Variants in OSBPL8 observed in about 807,000 individuals in gnomAD.
The protein encoded by OSBPL8 is oxysterol-binding protein-related protein 8.
OSBPL8 carries 59 observed loss-of-function variants against 125.5 expected under a neutral mutation model. The ratio of observed to expected loss-of-function variants is 0.47; its 90% CI spans 0.38 to 0.58. The LOEUF is 0.58. Among genes scored for constraint, OSBPL8 ranks in the 20% least tolerant of loss-of-function variants. OSBPL8 has a pLI of 0.00. For synonymous variants in OSBPL8, 330 were observed against 338.9 expected, an observed-to-expected ratio of 0.97 and a Z score of 0.29; for missense variants, 758 against 1,047.8, an observed-to-expected ratio of 0.72 and a Z score of 3.82.
chr12:76,409,728 A>G (rs1184666440), intron 5 of OSBPL8, among the ~76,000 whole-genome samples: 1 of 152,220 alleles, frequency 6.6e-6, no homozygotes, highest in Non-Finnish European at 1.5e-5. Context: ...AAGTGGGAAT[A>G]ATATTTATGT....
At chr12:76,525,430 T>C (rs1415247594) in intron 1 of OSBPL8, among the ~76,000 whole-genome samples, 1 of 152,198 alleles carries the variant, frequency 6.6e-6, no homozygotes, top group Non-Finnish European at 1.5e-5. Flanking sequence ...CAAAGAATGT[T>C]CAAAACTAAA....
chr12:76,449,235 G>C (rs934343205), intron 4 of OSBPL8, among the ~76,000 whole-genome samples: 3 of 152,110 alleles, frequency 2.0e-5, no homozygotes, highest in Admixed American at 2.0e-4. Flanking sequence ...TCATTTCTCA[G>C]TTTTAAAAGC....
Position 76,507,376 on chromosome 12 carries a change from T to C in OSBPL8, c.-67-19758A>G, listed in dbSNP as rs914917230. Among the ~76,000 whole-genome samples, 2 of 151,824 alleles carry C rather than the reference T, an allele frequency of 1.3e-5. 1 individual carries two copies. The highest frequency in any genetic ancestry group is 4.9e-5 in the African/African-American group (2 of 41,062). ...TAATAACCTTAAAATAATGATTGAA[T>C]ATTGAACATTCAATTATTCAGTAAT... On this transcript the variant is annotated intron_variant, in intron 1 of 23. Transcript: ENST00000261183.
At chr12:76,499,675 ACCT>A (rs1879694285) in intron 1 of OSBPL8, among the ~76,000 whole-genome samples, 1 of 151,992 alleles carries the variant, frequency 6.6e-6, no homozygotes, top group Non-Finnish European at 1.5e-5. Context: ...AAATGTTGAA[ACCT>A]CGTCTCTACT....
rs773847407 is a variant in OSBPL8, at chr12:76,389,693, A to C, written c.1304T>G (p.Phe435Cys). 6.2e-7 allele frequency: 1 copy of C among 1,603,444 alleles called. No individual in the cohort carries two copies. Reference sequence around the variant, plus strand: ...GTAGTAATCTGAAAGTTTATCCAGGAAAGAACGGGGTTCCAAAATAAATGT... The same window carrying C: ...GTAGTAATCTGAAAGTTTATCCAGGCAAGAACGGGGTTCCAAAATAAATGT... ...LPTFILEPRSFLDKLSDYYYH... is the reference protein window; with the variant it reads ...LPTFILEPRSCLDKLSDYYYH... The change falls in exon 12 of 24, where the codon TTC becomes TGC. Residue 435 changes from phenylalanine to cysteine, a missense_variant. By Grantham distance (205) the Phe-to-Cys change is radical (BLOSUM62 -2). Transcript: ENST00000261183.
chr12:76,531,832 T>C (rs2137344912), intron 1 of OSBPL8, among the ~76,000 whole-genome samples: 1 of 152,036 alleles, frequency 6.6e-6, no homozygotes, highest in African/African-American at 2.4e-5. Context: ...GGTCAGGAGA[T>C]CGAGACCATC....
chr12:76,537,023 T>C (rs1401754407), intron 1 of OSBPL8: 1 of 152,242 alleles, frequency 6.6e-6, no homozygotes, highest in African/African-American at 2.4e-5. Flanking sequence ...CTTCAGTCTC[T>C]TGGAGGTTAG....
At chr12:76,486,969 A>C (rs1808937701) in intron 2 of OSBPL8, among the ~76,000 whole-genome samples, 1 of 151,994 alleles carries the variant, frequency 6.6e-6, no homozygotes, top group Non-Finnish European at 1.5e-5. Flanking sequence ...ATGGAGCAGA[A>C]ATATCAGAAA....
Position 76,520,236 on chromosome 12 carries a change from AAAAG to A in OSBPL8, c.-67-32622_-67-32619del, listed in dbSNP as rs543323227. Among the ~76,000 whole-genome samples the A allele has an allele frequency of 2.1e-3, 315 of 152,338 alleles. 3 individuals carry two copies. Among genetic ancestry groups the A allele is most frequent in the African/African-American group, 6.9e-3 (288 of 41,584 alleles). On this transcript the variant is annotated intron_variant, in intron 1 of 23. Coordinates refer to ENST00000261183, the MANE Select transcript of OSBPL8 (RefSeq NM_020841.5). The stretch of plus-strand genomic sequence containing the variant: ...TCACGCTAGTTCCTTTAAAAAACAA[AAAAG>A]AAAGAAAGAAACAAGAGAATATGGA...
At chr12:76,439,048 T>C (rs1191270264) in intron 4 of OSBPL8, among the ~76,000 whole-genome samples, 2 of 152,132 alleles carry the variant, frequency 1.3e-5, no homozygotes, top group African/African-American at 2.4e-5. Flanking sequence ...GCTCATAAAA[T>C]ACAGGGGGAG....
At chr12:76,438,742 TC>T (rs1005891574) in intron 4 of OSBPL8, among the ~76,000 whole-genome samples, 3 of 152,220 alleles carry the variant, frequency 2.0e-5, no homozygotes, top group Admixed American at 6.5e-5. Flanking sequence ...ATAACAGTTT[TC>T]CTTCTTTGTT....
intron 1 of OSBPL8, among the ~76,000 whole-genome samples, chr12:76,492,983 G>A (rs1333141546): frequency 6.6e-6 from 1 of 151,612 alleles, no homozygotes; most frequent in East Asian, 1.9e-4. Flanking sequence ...TGCACATTCT[G>A]GGTCAAAATT....
chr12:76,403,933 A>G (rs1406953624), intron 5 of OSBPL8, among the ~76,000 whole-genome samples: 2 of 152,218 alleles, frequency 1.3e-5, no homozygotes, highest in African/African-American at 4.8e-5. Flanking sequence ...TAATAAAATG[A>G]AAATAAAATA....
chr12:76,418,573 G>A (rs1313938276), intron 4 of OSBPL8, among the ~76,000 whole-genome samples: 1 of 152,174 alleles, frequency 6.6e-6, no homozygotes, highest in South Asian at 2.1e-4. Flanking sequence ...GCTCATGCCT[G>A]TAATCTCAGC....
intron 2 of OSBPL8, among the ~76,000 whole-genome samples, chr12:76,474,884 T>C (rs941630722): frequency 6.6e-6 from 1 of 152,226 alleles, no homozygotes; most frequent in Admixed American, 6.5e-5. Flanking sequence ...CCATTGCTGC[T>C]ATTTTCACCC....
chr12:76,502,312 G>A (rs923687889), intron 1 of OSBPL8, among the ~76,000 whole-genome samples: 3 of 152,118 alleles, frequency 2.0e-5, no homozygotes, highest in Admixed American at 1.3e-4. Flanking sequence ...ATAACCCTAC[G>A]CTTTGCCAGT....
intron 17 of OSBPL8, among the ~76,000 whole-genome samples, chr12:76,374,980 C>G (rs919156069): frequency 1.3e-5 from 2 of 152,100 alleles, no homozygotes; most frequent in African/African-American, 4.8e-5. Flanking sequence ...AAATTTCTAT[C>G]CAATCACTTC....
chr12:76,381,788 G>A (rs754894577), intron 15 of OSBPL8, among the ~76,000 whole-genome samples: 27 of 150,822 alleles, frequency 1.8e-4, no homozygotes, highest in Non-Finnish European at 3.5e-4. Context: ...AGGCTGGAGT[G>A]CAGTGGCATG....
rs931752031 is a variant in OSBPL8 at position 76,504,848 on chromosome 12, T to C, written c.-67-17230A>G. ...TACTCCTGAAATAACATTATTATTATAGAACCTAAGATTGGCTTTTTGAGA... is the reference window on the plus strand; with the variant it reads ...TACTCCTGAAATAACATTATTATTACAGAACCTAAGATTGGCTTTTTGAGA... On this transcript the variant is annotated intron_variant, in intron 1 of 23. Coordinates refer to ENST00000261183, the MANE Select transcript of OSBPL8 (RefSeq NM_020841.5). Among the ~76,000 whole-genome samples the C allele has an allele frequency of 3.3e-5, 5 of 152,196 alleles. No individual in the cohort carries two copies. The East Asian group carries it at 9.6e-4, about 29-fold the overall frequency.
Sources: gnomAD v4.1 joint callset for allele counts (sites outside exome capture counted in the v4.1 genomes callset) on GRCh38, gnomAD v4.1.1 for gene constraint, MANE v1.5 for transcripts, NCBI Gene and HGNC (gene_info 2026-07-23, HGNC 2026-07-21) for gene names.